IL15: variants seen among roughly 807,000 people sequenced by gnomAD.
IL15 encodes the protein interleukin-15.
In IL15, 11 loss-of-function variants were observed where a neutral mutation model predicts 19.6. That is an observed-to-expected ratio of 0.56 (90% CI 0.35 to 0.93). The LOEUF (loss-of-function observed/expected upper bound fraction) is 0.93. Ranked by LOEUF, IL15 falls within the 40% of genes least tolerant of loss-of-function variation. IL15 has a pLI of 0.01. For synonymous variants in IL15, 58 were observed against 59.6 expected, an observed-to-expected ratio of 0.97 and a Z score of 0.12; for missense variants, 197 against 186.5, an observed-to-expected ratio of 1.06 and a Z score of -0.33.
At chr4:141,664,342 AACACACACAC>A (rs35153516) in intron 2 of IL15, among the ~76,000 whole-genome samples, 209 of 131,016 alleles carry the variant, frequency 1.6e-3, no homozygotes, top group Admixed American at 2.6e-3. Flanking sequence ...TGGTGGGCAA[AACACACACAC>A]ACACACACAC....
chr4:141,679,500 A>C (rs1728465213), intron 2 of IL15, among the ~76,000 whole-genome samples: 1 of 152,092 alleles, frequency 6.6e-6, no homozygotes, highest in Admixed American at 6.6e-5. Flanking sequence ...CTTTGGTTTC[A>C]ATTTTTTGTA....
chr4:141,651,269 C>T (rs565753455), intron 1 of IL15, among the ~76,000 whole-genome samples: 16 of 151,984 alleles, frequency 1.1e-4, no homozygotes, highest in South Asian at 2.1e-4. Flanking sequence ...ATTAAAATCA[C>T]GTCTTTTGCA....
intron 2 of IL15, among the ~76,000 whole-genome samples, chr4:141,679,035 T>G (rs1212200897): frequency 6.6e-6 from 1 of 152,214 alleles, no homozygotes; most frequent in Non-Finnish European, 1.5e-5. Context: ...ATTAAGAAAA[T>G]GACACAGTCT....
At chr4:141,682,679 C>T (rs771236620) in intron 2 of IL15, among the ~76,000 whole-genome samples, 4 of 151,980 alleles carry the variant, frequency 2.6e-5, no homozygotes, top group African/African-American at 4.8e-5. Context: ...AGTTGGGGAA[C>T]GATGAGAGAC....
intron 2 of IL15, chr4:141,717,719 G>A (rs1729932836): frequency 6.6e-6 from 1 of 151,918 alleles, no homozygotes; most frequent in Non-Finnish European, 1.5e-5. Context: ...GTAGTGCAAA[G>A]GCATGATCTC....
intron 2 of IL15, among the ~76,000 whole-genome samples, chr4:141,658,391 C>G (rs1338974313): frequency 6.6e-6 from 1 of 152,040 alleles, no homozygotes; most frequent in African/African-American, 2.4e-5. Context: ...ATACAGACAT[C>G]TTTGTCACCA....
At chr4:141,665,585 A>G (rs1439107223) in intron 2 of IL15, among the ~76,000 whole-genome samples, 5 of 152,208 alleles carry the variant, frequency 3.3e-5, no homozygotes, top group Admixed American at 1.3e-4. Flanking sequence ...AATAATTTGG[A>G]AAAATGATAT....
At chr4:141,657,757 A>T (rs1187072293) in intron 2 of IL15, among the ~76,000 whole-genome samples, 1 of 152,164 alleles carries the variant, frequency 6.6e-6, no homozygotes, top group African/African-American at 2.4e-5. Context: ...GTTATCTCCT[A>T]TGATGTCAAT....
At chr4:141,705,565 T>C (rs1729485731) in intron 2 of IL15, among the ~76,000 whole-genome samples, 1 of 151,966 alleles carries the variant, frequency 6.6e-6, no homozygotes, top group Non-Finnish European at 1.5e-5. Context: ...TCGGATGCAG[T>C]GTTCTATAAA....
intron 2 of IL15, among the ~76,000 whole-genome samples, chr4:141,671,625 T>A (rs2152167612): frequency 1.3e-5 from 2 of 152,242 alleles, no homozygotes; most frequent in South Asian, 4.1e-4. Context: ...CATCATGCAG[T>A]TTCTTCATTA....
chr4:141,725,365 A>G (rs1446720770), intron 5 of IL15, among the ~76,000 whole-genome samples: 1 of 152,158 alleles, frequency 6.6e-6, no homozygotes, highest in Non-Finnish European at 1.5e-5. Flanking sequence ...CTACTGCAAT[A>G]TGACTGGTAT....
chr4:141,673,895 A>G (rs1022004298), intron 2 of IL15, among the ~76,000 whole-genome samples: 7 of 152,168 alleles, frequency 4.6e-5, no homozygotes, highest in African/African-American at 1.7e-4. Context: ...CATTCAACCC[A>G]TATTTGTACT....
intron 2 of IL15, among the ~76,000 whole-genome samples, chr4:141,671,426 A>G (rs1489532747): frequency 6.6e-6 from 1 of 152,206 alleles, no homozygotes; most frequent in East Asian, 1.9e-4. Flanking sequence ...AAAATTTTGT[A>G]GTAAATTAGT....
chr4:141,710,181 G>A (rs1026019231), intron 2 of IL15, among the ~76,000 whole-genome samples: 3 of 152,146 alleles, frequency 2.0e-5, no homozygotes, highest in African/African-American at 7.2e-5. Flanking sequence ...CAGGGCCTCA[G>A]CAATGGAGAC....
At chr4:141,715,666 T>A (rs1325291185) in intron 2 of IL15, 1 of 152,146 alleles carries the variant, frequency 6.6e-6, no homozygotes, top group Non-Finnish European at 1.5e-5. Flanking sequence ...AGGAAAGTGA[T>A]GTTGTCTTAT....
intron 1 of IL15, 42 bp from the exon 2 acceptor site, chr4:141,656,144 C>T: frequency 2.5e-6 from 1 of 397,964 alleles, no homozygotes; most frequent in Non-Finnish European, 4.4e-6. Flanking sequence ...TTACTCAATA[C>T]ATAATTATTA....
chr4:141,718,736 T>C (rs767574987), intron 2 of IL15: 1 of 152,158 alleles, frequency 6.6e-6, no homozygotes, highest in Non-Finnish European at 1.5e-5. Context: ...CAGATTTTGG[T>C]TTTTTGTGGA....
chr4:141,719,501 A>G, intron 3 of IL15, 25 bp downstream of exon 3: 1 of 1,283,814 alleles, frequency 7.8e-7, no homozygotes, highest in Non-Finnish European at 1.1e-6. Context: ...AGATGAAAAT[A>G]TCCTATGGAA....
chr4:141,654,156 G>A (rs1455922537), intron 1 of IL15, among the ~76,000 whole-genome samples: 1 of 152,166 alleles, frequency 6.6e-6, no homozygotes, highest in Non-Finnish European at 1.5e-5. Flanking sequence ...AAACAGGGTG[G>A]GCAGAGGGAG....
Sources: gnomAD v4.1 joint callset for allele counts (sites outside exome capture counted in the v4.1 genomes callset) on GRCh38, gnomAD v4.1.1 for gene constraint, MANE v1.5 for transcripts, NCBI Gene and HGNC (gene_info 2026-07-23, HGNC 2026-07-21) for gene names.